The following NAV2 variants were observed in gnomAD, a reference collection of about 807,000 sequenced individuals.
NAV2 encodes the protein neuron navigator 2.
In NAV2, 54 loss-of-function variants were observed where a neutral mutation model predicts 223.2. The observed-to-expected ratio is 0.24, with a 90% CI of 0.19 to 0.30. NAV2 has a LOEUF of 0.30. Among genes scored for constraint, NAV2 ranks in the 10% least tolerant of loss-of-function variants. The pLI is 1.00. For synonymous variants in NAV2, 1,279 were observed against 1,239.3 expected, an observed-to-expected ratio of 1.03 and a Z score of -0.67; for missense variants, 2,806 against 3,147.5, an observed-to-expected ratio of 0.89 and a Z score of 2.60.
intron 3 of NAV2, among the ~76,000 whole-genome samples, chr11:19,868,065 C>T (rs1185658121): frequency 2.6e-5 from 4 of 151,714 alleles, no homozygotes; most frequent in Non-Finnish European, 4.4e-5. Context: ...GGAATGTTGA[C>T]GGAACCTGGG....
intron 10 of NAV2, among the ~76,000 whole-genome samples, chr11:19,966,466 C>T (rs1026655321): frequency 2.6e-5 from 4 of 152,104 alleles, no homozygotes; most frequent in Non-Finnish European, 4.4e-5. Context: ...ATCAACTTGC[C>T]TAGCCTCATT....
intron 1 of NAV2, among the ~76,000 whole-genome samples, chr11:19,797,273 C>A (rs929393554): frequency 6.6e-6 from 1 of 152,184 alleles, no homozygotes; most frequent in Non-Finnish European, 1.5e-5. Flanking sequence ...CTTTCCCTAA[C>A]AATTCCTGAA....
At chr11:19,877,470 C>CTTT (rs1289323253) in intron 4 of NAV2, among the ~76,000 whole-genome samples, 7 of 82,592 alleles carry the variant, frequency 8.5e-5, no homozygotes, top group African/African-American at 2.7e-4. Context: ...TATCTTCATT[C>CTTT]TTTTTTTTTT....
At chr11:19,866,731 G>A (rs1476848526) in intron 3 of NAV2, among the ~76,000 whole-genome samples, 1 of 152,090 alleles carries the variant, frequency 6.6e-6, no homozygotes, top group African/African-American at 2.4e-5. Flanking sequence ...TTTCTTCAGT[G>A]CCATATTGCT....
intron 4 of NAV2, among the ~76,000 whole-genome samples, chr11:19,878,729 G>A (rs575307350): frequency 1.1e-4 from 17 of 152,272 alleles, no homozygotes; most frequent in African/African-American, 3.4e-4. Context: ...CTGGCAGGGC[G>A]CACTTCCTCC....
rs143571074 is a variant in NAV2, at chr11:19,933,577, G to T, written c.1333G>T (p.Ala445Ser). ...SFEESEELEAASRMLTTVGPA... is the reference protein window; with the variant it reads ...SFEESEELEASSRMLTTVGPA... ...CGAAGAGAGCGAGGAGCTGGAGGCC[G>T]CCAGTCGCATGCTCACCACCGTGGG... Residue 445 changes from alanine to serine, a missense_variant, in exon 7 of 38, where the codon GCC (alanine) becomes TCC (serine). Ala to Ser is a moderately conservative substitution (Grantham distance 99). Coordinates refer to ENST00000349880, the MANE Select transcript of NAV2 (RefSeq NM_145117.5). The surrounding 1 kb of genome is among the most constrained non-coding windows in gnomAD (Gnocchi z 4.3). The T allele has an allele frequency of 5.3e-5, 86 of 1,610,624 alleles. No homozygotes were observed. Among genetic ancestry groups the T allele is most frequent in the Non-Finnish European group, 7.0e-5 (82 of 1,177,734 alleles).
At chr11:19,680,321 C>A (rs372327908) in intron 1 of NAV2, among the ~76,000 whole-genome samples, 1 of 152,146 alleles carries the variant, frequency 6.6e-6, no homozygotes, top group East Asian at 1.9e-4. Flanking sequence ...GTCAGGGGCT[C>A]GGCCATTCCT....
At chr11:19,864,663 A>G (rs567909772) in intron 3 of NAV2, among the ~76,000 whole-genome samples, 1 of 152,352 alleles carries the variant, frequency 6.6e-6, no homozygotes, top group South Asian at 2.1e-4. Context: ...CTGCAAGTCT[A>G]AAGGTCAGGG....
At chr11:19,961,272 A>T (rs1207706659) in intron 10 of NAV2, among the ~76,000 whole-genome samples, 1 of 152,096 alleles carries the variant, frequency 6.6e-6, no homozygotes, top group Non-Finnish European at 1.5e-5. Context: ...TATCTTAAGC[A>T]TGTAGATCAC....
At chr11:19,987,729 A>T (rs565083401) in intron 11 of NAV2, among the ~76,000 whole-genome samples, 24 of 152,202 alleles carry the variant, frequency 1.6e-4, no homozygotes, top group African/African-American at 5.5e-4. Flanking sequence ...ATAAATGAAG[A>T]TAGTAAAGTG....
intron 1 of NAV2, among the ~76,000 whole-genome samples, chr11:19,721,902 A>C (rs2050776023): frequency 6.6e-6 from 1 of 152,276 alleles, no homozygotes. Context: ...ATCTGCAGAA[A>C]GAAGAAAGAA....
intron 11 of NAV2, among the ~76,000 whole-genome samples, chr11:20,005,672 G>T (rs184328764): frequency 1.3e-5 from 2 of 152,128 alleles, no homozygotes; most frequent in East Asian, 1.9e-4. Flanking sequence ...ACTTCATTGT[G>T]CCAGGCAGTG....
At chr11:19,974,328 G>A (rs972897430) in intron 10 of NAV2, among the ~76,000 whole-genome samples, 1 of 152,196 alleles carries the variant, frequency 6.6e-6, no homozygotes, top group South Asian at 2.1e-4. Flanking sequence ...CATTTTTAAG[G>A]TGGTGGAATT....
chr11:19,464,073 G>A (rs1852261073), intron 1 of NAV2, among the ~76,000 whole-genome samples: 1 of 152,204 alleles, frequency 6.6e-6, no homozygotes, highest in African/African-American at 2.4e-5. Flanking sequence ...GATAATGGAG[G>A]CATTTCTCTA....
intron 10 of NAV2, among the ~76,000 whole-genome samples, chr11:19,973,213 G>T (rs1290328253): frequency 6.6e-6 from 1 of 152,146 alleles, no homozygotes; most frequent in East Asian, 1.9e-4. Flanking sequence ...TTACCTGGGG[G>T]GGTCTACATG....
chr11:19,778,060 C>A, intron 1 of NAV2: 1 of 442,040 alleles, frequency 2.3e-6, no homozygotes, highest in South Asian at 1.6e-5. Flanking sequence ...AAGAACCATC[C>A]AGGGTGCAGG....
chr11:20,080,227 C>G lies in NAV2; in HGVS notation c.5325+18C>G. 1 of 1,609,492 alleles carries G rather than the reference C, an allele frequency of 6.2e-7. No homozygotes were observed. Among genetic ancestry groups the G allele is most frequent in the Admixed American group, 1.7e-5 (1 of 59,736 alleles). ...AGAACTGGGTGAGTGCACATCCACT[C>G]TCCTGGGGACTGACGGACAGAGTCA... On this transcript the variant is annotated intron_variant, in intron 25 of 37. Coordinates refer to ENST00000349880, the MANE Select transcript of NAV2 (RefSeq NM_145117.5).
chr11:20,008,748 T>TG (rs2053305023), intron 11 of NAV2, among the ~76,000 whole-genome samples: 1 of 151,732 alleles, frequency 6.6e-6, no homozygotes, highest in Non-Finnish European at 1.5e-5. Flanking sequence ...TTTTTTTTTT[T>TG]CCGCCTGCTT....
At chr11:19,347,766 T>C (rs1057116412), upstream of NAV2, among the ~76,000 whole-genome samples, 1 of 152,196 alleles carries the variant, frequency 6.6e-6, no homozygotes, top group Non-Finnish European at 1.5e-5. Flanking sequence ...TTCTCAACAA[T>C]TCAGTTAAAT....
Sources: gnomAD v4.1 joint callset for allele counts (sites outside exome capture counted in the v4.1 genomes callset) on GRCh38, gnomAD v4.1.1 for gene constraint, Gnocchi (gnomAD v3.1) non-coding constraint, MANE v1.5 for transcripts, NCBI Gene and HGNC (gene_info 2026-07-23, HGNC 2026-07-21) for gene names.